Variants in GARNL3 observed in about 807,000 individuals in gnomAD.
GARNL3 encodes GTPase activating Rap/RanGAP domain like 3.
In GARNL3, 63 loss-of-function variants were observed where a neutral mutation model predicts 125.0. That is an observed-to-expected ratio of 0.50 (90% confidence interval 0.41 to 0.62). The LOEUF is 0.62. Among genes scored for constraint, GARNL3 ranks in the 20% least tolerant of loss-of-function variants. The pLI is 0.00. For synonymous variants in GARNL3, 439 were observed against 457.5 expected, an observed-to-expected ratio of 0.96 and a Z score of 0.52; for missense variants, 994 against 1,244.0, an observed-to-expected ratio of 0.80 and a Z score of 3.02.
chr9:127,317,190 A>G (rs1824658998), intron 4 of GARNL3, among the ~76,000 whole-genome samples: 1 of 152,162 alleles, frequency 6.6e-6, no homozygotes, highest in Admixed American at 6.5e-5. Flanking sequence ...TTTTAGTCAA[A>G]ATATATTCAT....
At chr9:127,339,611 T>A in intron 12 of GARNL3, 34 bp from the exon 13 acceptor site, 1 of 1,449,102 alleles carries the variant, frequency 6.9e-7, no homozygotes, top group Non-Finnish European at 9.7e-7. Flanking sequence ...CCATATCAAG[T>A]GCTAATATTA....
chr9:127,304,530 C>CTTTTT (rs61493807), intron 2 of GARNL3, among the ~76,000 whole-genome samples: 39 of 99,248 alleles, frequency 3.9e-4, no homozygotes, highest in Non-Finnish European at 4.7e-4. Flanking sequence ...TGGCTTTATT[C>CTTTTT]TTTTTTTTTT....
At chr9:127,351,289 T>C (rs1465913896) in intron 17 of GARNL3, among the ~76,000 whole-genome samples, 1 of 152,220 alleles carries the variant, frequency 6.6e-6, no homozygotes, top group Non-Finnish European at 1.5e-5. Flanking sequence ...ATCCAAAATT[T>C]AATGGAAATG....
At chr9:127,380,200 ATGTGTGTGTGTG>A (rs55906930) in intron 22 of GARNL3, among the ~76,000 whole-genome samples, 9 of 141,746 alleles carry the variant, frequency 6.3e-5, no homozygotes, top group South Asian at 2.4e-4. Flanking sequence ...CTCAAAAAAT[ATGTGTGTGTGTG>A]TGTGTGTGTG....
chr9:127,393,157 A>G lies in GARNL3; in HGVS notation c.2945A>G (p.Gln982Arg). 3 of 1,613,884 alleles carry G rather than the reference A, an allele frequency of 1.9e-6. No homozygotes were observed. The highest frequency in any genetic ancestry group is 2.5e-6 in the Non-Finnish European group (3 of 1,179,732). The change falls in exon 28 of 28, where the codon CAG becomes CGG. Residue 982 changes from glutamine to arginine, a missense_variant. Transcript: ENST00000373387. Reference sequence around the variant, plus strand: ...GAGGGGCACTCAGCCAGCTCTGACCAGGACCCTGTGGCAGACAGAGAGGGC... The same window carrying G: ...GAGGGGCACTCAGCCAGCTCTGACCGGGACCCTGTGGCAGACAGAGAGGGC... ...NPEGHSASSD[Q>R]DPVADREGSP...
intron 22 of GARNL3, among the ~76,000 whole-genome samples, chr9:127,365,851 C>T (rs1330760991): frequency 6.6e-6 from 1 of 152,120 alleles, no homozygotes; most frequent in Non-Finnish European, 1.5e-5. Flanking sequence ...CAATTTTAAC[C>T]ACTGTCGCTA....
intron 1 of GARNL3, among the ~76,000 whole-genome samples, chr9:127,275,649 T>G (rs1040107550): frequency 4.6e-5 from 7 of 152,064 alleles, no homozygotes; most frequent in African/African-American, 1.7e-4. Context: ...CTAATCAAAT[T>G]TAGGGAGTCA....
chr9:127,357,167 G>A (rs1830732150), intron 20 of GARNL3, 52 bp from the exon 21 acceptor site: 1 of 1,584,426 alleles, frequency 6.3e-7, no homozygotes, highest in Admixed American at 1.7e-5. Flanking sequence ...TTGGCATGGA[G>A]CTGGCTGCTC....
At position 127,391,413 on chromosome 9, in the gene GARNL3, G is replaced by T. The variant is rs1588990613; in HGVS notation, c.2870+646G>T. ...TTTTTAAAATAAAAATGCTGGCTAG[G>T]CATGGTGGCTCATGCCTGTAATCCC... On this transcript the variant is annotated intron_variant, in intron 27 of 27. Coordinates refer to ENST00000373387, the MANE Select transcript of GARNL3 (RefSeq NM_032293.5). Among the ~76,000 whole-genome samples, 4 of 144,380 alleles carry T rather than the reference G, an allele frequency of 2.8e-5. 1 individual carries two copies. Among genetic ancestry groups the T allele is most frequent in the African/African-American group, 1.0e-4 (4 of 40,086 alleles). The allele number at this position is 144,380 out of a possible 152,430, so 94.7% of individuals were successfully genotyped here.
At chr9:127,307,046 T>A (rs2064976801) in intron 2 of GARNL3, among the ~76,000 whole-genome samples, 1 of 152,178 alleles carries the variant, frequency 6.6e-6, no homozygotes, top group Non-Finnish European at 1.5e-5. Context: ...TTTGATTTTT[T>A]TTTTGTCGGC....
At chr9:127,224,841 G>A (rs1440735002) in intron 1 of GARNL3, 1 of 150,222 alleles carries the variant, frequency 6.7e-6, no homozygotes, top group Non-Finnish European at 1.5e-5. Flanking sequence ...GGGCCTCGCA[G>A]AGGTGCAGAA....
At chr9:127,309,965 C>T (rs7863451) in intron 2 of GARNL3, among the ~76,000 whole-genome samples, 44,099 of 152,026 alleles carry the variant, frequency 0.29, 7,878 homozygotes, top group Admixed American at 0.44. Flanking sequence ...ATCAGTCATG[C>T]GGGAAAACTG....
At chr9:127,344,106 C>T (rs1379319754) in intron 14 of GARNL3, 129 bp from the exon 15 acceptor site, 7 of 673,836 alleles carry the variant, frequency 1.0e-5, no homozygotes, top group Non-Finnish European at 1.6e-5. Context: ...TCCATCAATG[C>T]TTATTGAGTG....
intron 21 of GARNL3, chr9:127,365,082 A>G: frequency 2.0e-6 from 1 of 494,856 alleles, no homozygotes; most frequent in Non-Finnish European, 3.6e-6. Flanking sequence ...GAATGGAGAG[A>G]CTTTTCTTTC....
chr9:127,283,155 A>G (rs1204510743), intron 1 of GARNL3, among the ~76,000 whole-genome samples: 1 of 152,138 alleles, frequency 6.6e-6, no homozygotes, highest in African/African-American at 2.4e-5. Context: ...TGAATGGGAA[A>G]CCAATTTGAT....
intron 22 of GARNL3, among the ~76,000 whole-genome samples, chr9:127,367,716 T>G (rs1831358471): frequency 6.6e-6 from 1 of 152,234 alleles, no homozygotes; most frequent in African/African-American, 2.4e-5. Flanking sequence ...ACTCTTGTGT[T>G]TGCTGATGAT....
In GARNL3 at chr9:127,391,815, A is replaced by G. The variant is rs192912987; in HGVS notation, c.2870+1048A>G. Among the ~76,000 whole-genome samples, 47 of 152,174 alleles carry G rather than the reference A, an allele frequency of 3.1e-4. No homozygotes were observed. In the East Asian group the frequency reaches 8.3e-3, roughly 27 times the overall value. ...CAGCCTATCCGAATGCCAGGTCAGC[A>G]TCACACGTCAATGAATAGTAGTTAA... On this transcript the variant is annotated intron_variant, in intron 27 of 27. Transcript: ENST00000373387.
intron 2 of GARNL3, among the ~76,000 whole-genome samples, chr9:127,302,798 T>C (rs187869117): frequency 2.9e-4 from 44 of 152,310 alleles, no homozygotes; most frequent in African/African-American, 8.9e-4. Context: ...TTGAATTTTT[T>C]AAAAGAAGAA....
Position 127,387,273 on chromosome 9 carries a change from T to A in GARNL3, c.2469T>A (p.Asn823Lys). ...GGSSKGASAR[N>K]SPQTPPGRDT... ...GCTCCAAGGGGGCCAGTGCCCGAAA[T>A]TCTCCTCAGACACCCCCGGGCCGAG... Residue 823 changes from asparagine to lysine, a missense_variant, in exon 25 of 28, where the codon AAT (asparagine) becomes AAA (lysine). Transcript: ENST00000373387. 8 of 1,614,190 alleles carry A rather than the reference T, an allele frequency of 5.0e-6. No homozygotes were observed. The highest frequency in any genetic ancestry group is 6.8e-6 in the Non-Finnish European group (8 of 1,180,014).
Sources: allele counts gnomAD v4.1 joint callset (sites outside exome capture counted in the v4.1 genomes callset), GRCh38; gene constraint gnomAD v4.1.1; transcripts MANE v1.5; gene names NCBI Gene and HGNC (gene_info 2026-07-23, HGNC 2026-07-21).